VAMP7: variants seen among roughly 807,000 people sequenced by gnomAD.
VAMP7 encodes vesicle-associated membrane protein 7.
In VAMP7, 14 loss-of-function variants were observed where a neutral mutation model predicts 29.6. That is an observed-to-expected ratio of 0.47 (90% CI 0.31 to 0.74). VAMP7 has a LOEUF of 0.74. Ranked by LOEUF, VAMP7 falls within the 30% of genes least tolerant of loss-of-function variation. The pLI, the probability that VAMP7 is intolerant of heterozygous loss-of-function variation, is 0.05. For missense variants in VAMP7, 223 were observed against 262.4 expected, an observed-to-expected ratio of 0.85 and a Z score of 1.04; for synonymous variants, 95 against 88.1, an observed-to-expected ratio of 1.08 and a Z score of -0.44.
At chrX:155,939,927 C>A in intron 7 of VAMP7, 134 bp downstream of exon 7, 1 of 737,566 alleles carries the variant, frequency 1.4e-6, no homozygotes, top group Non-Finnish European at 2.3e-6. Context: ...CATGACCAGG[C>A]AGTGGCTTTC....
chrX:155,934,815 G>A (rs1012293677), intron 6 of VAMP7, among the ~76,000 whole-genome samples: 3 of 152,068 alleles, frequency 2.0e-5, no homozygotes, highest in African/African-American at 7.2e-5. Context: ...TTACAATTTG[G>A]CATGTTTTTC....
At chrX:155,897,671 A>G (rs890818097) in intron 3 of VAMP7, among the ~76,000 whole-genome samples, 1 of 152,112 alleles carries the variant, frequency 6.6e-6, no homozygotes, top group Non-Finnish European at 1.5e-5. Context: ...ATATACCACC[A>G]CTATTGAAAA....
intron 5 of VAMP7, among the ~76,000 whole-genome samples, chrX:155,918,627 G>T (rs183875243): frequency 2.6e-5 from 4 of 152,196 alleles, no homozygotes; most frequent in East Asian, 3.9e-4. Flanking sequence ...CTCACCCTCC[G>T]TGGGCTGCAC....
chrX:155,917,616 C>T (rs2066332538), intron 5 of VAMP7, among the ~76,000 whole-genome samples: 1 of 152,148 alleles, frequency 6.6e-6, no homozygotes, highest in Admixed American at 6.5e-5. Flanking sequence ...ACCCAGTTTG[C>T]CTGGGTATCA....
At chrX:155,903,084 T>C (rs2124286690) in intron 5 of VAMP7, among the ~76,000 whole-genome samples, 1 of 152,252 alleles carries the variant, frequency 6.6e-6, no homozygotes, top group South Asian at 2.1e-4. Flanking sequence ...AACTTCTTCC[T>C]GGTTTAGTCT....
chrX:155,936,208 C>A (rs1325610172), intron 6 of VAMP7, among the ~76,000 whole-genome samples: 1 of 152,214 alleles, frequency 6.6e-6, no homozygotes, highest in Admixed American at 6.5e-5. Context: ...CTGGGAGAAC[C>A]ACTACTCTCT....
chrX:155,915,103 G>A (rs1334002285), intron 5 of VAMP7, among the ~76,000 whole-genome samples: 1 of 152,094 alleles, frequency 6.6e-6, no homozygotes, highest in Non-Finnish European at 1.5e-5. Context: ...GGGTGTATGT[G>A]TCCAGGAATT....
chrX:155,941,358 G>A (rs1011106278), intron 7 of VAMP7, among the ~76,000 whole-genome samples: 1 of 151,846 alleles, frequency 6.6e-6, no homozygotes, highest in Non-Finnish European at 1.5e-5. Flanking sequence ...TCATTGTTTT[G>A]GTCATCGTAA....
chrX:155,889,541 C>T lies in VAMP7; in HGVS notation c.75C>T (p.Phe25=), dbSNP rs1203519375. The T allele has an allele frequency of 3.7e-6, 6 of 1,613,898 alleles. No individual in the cohort carries two copies. The South Asian group carries it at 6.6e-5, about 18-fold the overall frequency. ...LAKHAWCGGN[F]LEVTEQILAK... is the part of the protein sequence containing the mutation. ...AACATGCTTGGTGTGGAGGAAACTT[C>T]CTGGAGGTGACAGAGCAGATTCTGG... Residue 25 remains phenylalanine (F), a synonymous_variant, in exon 2 of 8, where the codon TTC becomes TTT. Transcript: ENST00000286448.
chrX:155,901,001 T>A (rs1308363488), intron 5 of VAMP7, among the ~76,000 whole-genome samples: 1 of 151,950 alleles, frequency 6.6e-6, no homozygotes, highest in Admixed American at 6.6e-5. Flanking sequence ...AGAATGTCAA[T>A]CAATATTGTG....
At chrX:155,914,828 T>G (rs147599549) in intron 5 of VAMP7, among the ~76,000 whole-genome samples, 2,188 of 152,250 alleles carry the variant, frequency 0.014, 44 homozygotes, top group Middle Eastern at 0.017. Flanking sequence ...ATTTTCCTTT[T>G]TGGTTGTGTC....
At chrX:155,923,958 C>T (rs1028171744) in intron 6 of VAMP7, among the ~76,000 whole-genome samples, 5 of 152,042 alleles carry the variant, frequency 3.3e-5, no homozygotes, top group Non-Finnish European at 7.4e-5. Flanking sequence ...TTTATATCTT[C>T]CATGTGTCTC....
In VAMP7 at chrX:155,942,263, G is replaced by A. The variant is rs188768611; in HGVS notation, c.*312G>A. 128 of 1,251,330 alleles carry A rather than the reference G, an allele frequency of 1.0e-4. No individual in the cohort carries two copies. In the African/African-American group the frequency reaches 1.7e-3, roughly 17 times the overall value. The allele number at this position is 1,251,330 out of a possible 1,614,324, so 77.5% of individuals were successfully genotyped here. On this transcript the variant is annotated 3_prime_UTR_variant, in exon 8 of 8. Coordinates refer to ENST00000286448, the MANE Select transcript of VAMP7 (RefSeq NM_005638.6). ...TTGTTTTTAATTGCTCAAAGCTGTC[G>A]CCGCTAGTCTTATGAGCTATCTACT...
intron 5 of VAMP7, among the ~76,000 whole-genome samples, chrX:155,905,973 C>A (rs1252311555): frequency 4.2e-3 from 1 of 240 alleles, no homozygotes; most frequent in Admixed American, 0.056. Context: ...ATCTGTAGAT[C>A]AATTAGGGAG....
chrX:155,922,168 AG>A (rs1284260302), intron 6 of VAMP7, among the ~76,000 whole-genome samples: 16 of 152,010 alleles, frequency 1.1e-4, no homozygotes, highest in Admixed American at 3.3e-4. Flanking sequence ...CTGCAACCTT[AG>A]AAAAATTCAT....
chrX:155,939,819 G>A (rs1395129601), intron 7 of VAMP7, 26 bp downstream of exon 7: 1 of 1,548,852 alleles, frequency 6.5e-7, no homozygotes, highest in African/African-American at 1.4e-5. Flanking sequence ...TTTAGTGTAT[G>A]GCTTTATTTT....
chrX:155,917,930 C>T (rs1006412300), intron 5 of VAMP7, among the ~76,000 whole-genome samples: 10 of 152,274 alleles, frequency 6.6e-5, no homozygotes, highest in East Asian at 1.9e-4. Flanking sequence ...CCCAGGTGCT[C>T]GGTCCCAAGG....
At chrX:155,887,946 A>AG (rs928800156) in intron 1 of VAMP7, among the ~76,000 whole-genome samples, 61 of 151,996 alleles carry the variant, frequency 4.0e-4, no homozygotes, top group African/African-American at 1.4e-3. Context: ...TCAAAAAAAA[A>AG]AAAAAAAGAA....
chrX:155,915,495 G>A (rs2066298811), intron 5 of VAMP7, among the ~76,000 whole-genome samples: 2 of 152,070 alleles, frequency 1.3e-5, no homozygotes, highest in African/African-American at 2.4e-5. Context: ...TTTGCTGTGG[G>A]CATTTAGTGC....
Sources: gnomAD v4.1 joint callset for allele counts (sites outside exome capture counted in the v4.1 genomes callset) on GRCh38, gnomAD v4.1.1 for gene constraint, MANE v1.5 for transcripts, NCBI Gene and HGNC (gene_info 2026-07-23, HGNC 2026-07-21) for gene names.